NFKB1: variants seen among roughly 807,000 people sequenced by gnomAD.
The protein encoded by NFKB1 is nuclear factor NF-kappa-B p105 subunit.
Under a neutral mutation model 105.1 loss-of-function variants are expected in NFKB1, and 9 were observed. That is an observed-to-expected ratio of 0.09 (90% confidence interval 0.05 to 0.15). The LOEUF is 0.15. Ranked by LOEUF, NFKB1 falls within the 10% of genes least tolerant of loss-of-function variation. The pLI, the probability that NFKB1 is intolerant of heterozygous loss-of-function variation, is 1.00. For missense variants in NFKB1, 830 were observed against 1,203.7 expected, an observed-to-expected ratio of 0.69 and a Z score of 4.59; for synonymous variants, 440 against 442.2, an observed-to-expected ratio of 1.00 and a Z score of 0.06.
chr4:102,548,417 G>T (rs1722304772), intron 5 of NFKB1, among the ~76,000 whole-genome samples: 1 of 152,092 alleles, frequency 6.6e-6, no homozygotes, highest in Non-Finnish European at 1.5e-5. Context: ...ATCTAGATTG[G>T]CCACATAGAG....
chr4:102,590,615 G>A (rs10013190), intron 11 of NFKB1, among the ~76,000 whole-genome samples: 10,097 of 152,112 alleles, frequency 0.066, 425 homozygotes, highest in African/African-American at 0.12. Context: ...AAGTGTCCAT[G>A]TAAGATGACA....
rs961383235 is a variant in NFKB1, at chr4:102,526,900, G to A, written c.39+1343G>A. Among the ~76,000 whole-genome samples, 3 of 151,028 alleles carry A rather than the reference G, an allele frequency of 2.0e-5. No homozygotes were observed. The East Asian group carries it at 5.8e-4, about 29-fold the overall frequency. The stretch of plus-strand genomic sequence containing the variant: ...ATTGGTTCTTAAAACCGACATTTTC[G>A]CTTTTCTCTTTGCTCTCTTTTTCGT... On this transcript the variant is annotated intron_variant, in intron 2 of 23. Coordinates refer to ENST00000226574, the MANE Select transcript of NFKB1 (RefSeq NM_003998.4).
intron 16 of NFKB1, among the ~76,000 whole-genome samples, chr4:102,604,884 G>A (rs145703896): frequency 2.5e-3 from 382 of 150,712 alleles, no homozygotes; most frequent in African/African-American, 9.0e-3. Flanking sequence ...TAGCATGAAG[G>A]TATAATTGTT....
chr4:102,547,982 A>G (rs760177258), intron 5 of NFKB1, among the ~76,000 whole-genome samples: 1 of 152,096 alleles, frequency 6.6e-6, no homozygotes, highest in Non-Finnish European at 1.5e-5. Flanking sequence ...TTAGTTTTGT[A>G]GGGCAGTGTT....
intron 5 of NFKB1, among the ~76,000 whole-genome samples, chr4:102,564,594 C>T: frequency 6.6e-6 from 1 of 152,208 alleles, no homozygotes; most frequent in East Asian, 1.9e-4. Context: ...AGGAATTACC[C>T]AGTTCCTCAT....
chr4:102,538,532 C>G (rs1017763167), intron 5 of NFKB1, among the ~76,000 whole-genome samples: 8 of 152,174 alleles, frequency 5.3e-5, no homozygotes, highest in Non-Finnish European at 7.4e-5. Context: ...TGAAAGTACC[C>G]TAGGGCCTTG....
In NFKB1 at chr4:102,501,622, A is replaced by ACTGGC. The variant is rs912910788; in HGVS notation, c.-167_-163dup. On this transcript the variant is annotated 5_prime_UTR_variant, in exon 1 of 24. Coordinates refer to ENST00000226574, the MANE Select transcript of NFKB1 (RefSeq NM_003998.4). ...GCGCTGCGGCCATGGCGCGGCGCTG[A>ACTGGC]CTGGCCTGGCCCGGCCCCGCCGCGC... The ACTGGC allele has an allele frequency of 6.7e-6, 1 of 148,426 alleles. No homozygotes were observed. The highest frequency in any genetic ancestry group is 2.4e-5 in the African/African-American group (1 of 40,988). The allele number at this position is 148,426 out of a possible 1,614,324, so 9.2% of individuals were successfully genotyped here. A position where few individuals can be genotyped will look rare whatever the true frequency, so the allele number is the denominator to read the frequency against.
At chr4:102,571,030 A>G (rs927714796) in intron 6 of NFKB1, among the ~76,000 whole-genome samples, 1 of 152,246 alleles carries the variant, frequency 6.6e-6, no homozygotes, top group African/African-American at 2.4e-5. Flanking sequence ...TGCCAAGACA[A>G]TCCTAAGCCA....
chr4:102,578,975 G>C lies in NFKB1; in HGVS notation c.666G>C (p.Pro222=), dbSNP rs758872166. The C allele has an allele frequency of 1.1e-5, 18 of 1,613,948 alleles. No individual in the cohort carries two copies. Among genetic ancestry groups the C allele is most frequent in the Admixed American group, 1.7e-5 (1 of 59,992 alleles). Residue 222 remains proline (P), a synonymous_variant, in exon 8 of 24, where the codon CCG becomes CCC. Transcript: ENST00000226574. ...GGCTCATGTTTACAGCTTTTCTTCC[G>C]GATAGCACTGGCAGCTTCACAAGGC... ...VVRLMFTAFL[P]DSTGSFTRRL...
intron 4 of NFKB1, among the ~76,000 whole-genome samples, chr4:102,535,877 G>A (rs1741601478): frequency 6.7e-6 from 1 of 149,582 alleles, no homozygotes; most frequent in African/African-American, 2.5e-5. Flanking sequence ...TTGTGTGTGT[G>A]TGGTTTTGGG....
intron 5 of NFKB1, among the ~76,000 whole-genome samples, chr4:102,538,572 T>C (rs1339586048): frequency 1.3e-5 from 2 of 152,222 alleles, no homozygotes; most frequent in African/African-American, 4.8e-5. Flanking sequence ...CCTCTTGGAA[T>C]GAACTGCTAC....
intron 6 of NFKB1, among the ~76,000 whole-genome samples, chr4:102,575,312 G>A (rs192533913): frequency 1.3e-3 from 194 of 152,252 alleles, no homozygotes; most frequent in Non-Finnish European, 2.0e-3. Flanking sequence ...CCTCTGGTAT[G>A]AGTGCTCATT....
At chr4:102,561,122 G>A (rs1028193405) in intron 5 of NFKB1, among the ~76,000 whole-genome samples, 14 of 152,294 alleles carry the variant, frequency 9.2e-5, no homozygotes, top group South Asian at 2.1e-4. Flanking sequence ...ACATAATTCT[G>A]TACTATCTTA....
intron 5 of NFKB1, among the ~76,000 whole-genome samples, chr4:102,552,650 A>G (rs1036992801): frequency 2.0e-5 from 3 of 152,222 alleles, no homozygotes. Flanking sequence ...ATCCCCCAAA[A>G]TAATAGAAAT....
chr4:102,546,893 A>G (rs553505673), intron 5 of NFKB1, among the ~76,000 whole-genome samples: 18 of 152,176 alleles, frequency 1.2e-4, no homozygotes, highest in Non-Finnish European at 2.2e-4. Context: ...TACAAGCCCA[A>G]TTCTTACAGA....
chr4:102,507,303 T>C (rs1480638390), intron 1 of NFKB1, among the ~76,000 whole-genome samples: 1 of 152,126 alleles, frequency 6.6e-6, no homozygotes, highest in Non-Finnish European at 1.5e-5. Context: ...CTGCAGCTTC[T>C]GGGCATGAAG....
intron 23 of NFKB1, among the ~76,000 whole-genome samples, chr4:102,614,104 C>T (rs1728706700): frequency 6.6e-6 from 1 of 152,060 alleles, no homozygotes; most frequent in Non-Finnish European, 1.5e-5. Flanking sequence ...TTTCTAAACC[C>T]CCAACACTCC....
chr4:102,612,251 A>C lies in NFKB1; in HGVS notation c.2419+141A>C, dbSNP rs889892650. Reference sequence around the variant, plus strand: ...AAGATGCTGGAGGTAGATAAGGAGAATATCCAGTTTTAATCTACTGTAAAT... The same window carrying C: ...AAGATGCTGGAGGTAGATAAGGAGACTATCCAGTTTTAATCTACTGTAAAT... On this transcript the variant is annotated intron_variant, in intron 21 of 23. Transcript: ENST00000226574. The C allele has an allele frequency of 1.0e-5, 10 of 958,650 alleles. No homozygotes were observed. In the African/African-American group the frequency reaches 1.6e-4, roughly 16 times the overall value. The allele number at this position is 958,650 out of a possible 1,614,324, so 59.4% of individuals were successfully genotyped here. A position where few individuals can be genotyped will look rare whatever the true frequency, so the allele number is the denominator to read the frequency against.
intron 1 of NFKB1, 26 bp from the exon 2 acceptor site, chr4:102,525,486 T>A: frequency 1.2e-6 from 2 of 1,607,538 alleles, no homozygotes; most frequent in Non-Finnish European, 1.7e-6. Flanking sequence ...TGTTACAGTT[T>A]TGTTTTGTTT....
Sources: gnomAD v4.1 joint callset for allele counts (sites outside exome capture counted in the v4.1 genomes callset) on GRCh38, gnomAD v4.1.1 for gene constraint, MANE v1.5 for transcripts, NCBI Gene and HGNC (gene_info 2026-07-23, HGNC 2026-07-21) for gene names.